Variants in TENM4 observed in about 807,000 individuals in gnomAD.
TENM4 encodes teneurin-4.
In TENM4, 82 loss-of-function variants were observed where a neutral mutation model predicts 243.3. The observed-to-expected ratio is 0.34, with a 90% CI of 0.28 to 0.40. The LOEUF is 0.40. TENM4 is among the 10% of genes least tolerant of loss of function. TENM4 has a pLI of 1.00. For synonymous variants in TENM4, 1,412 were observed against 1,456.3 expected, an observed-to-expected ratio of 0.97 and a Z score of 0.69; for missense variants, 3,138 against 3,673.3, an observed-to-expected ratio of 0.85 and a Z score of 3.77.
intron 1 of TENM4, among the ~76,000 whole-genome samples, chr11:79,409,979 C>T (rs1326162759): frequency 6.6e-6 from 1 of 152,082 alleles, no homozygotes; most frequent in East Asian, 1.9e-4. Flanking sequence ...TTCCTTGAGC[C>T]ACACTGGAAG....
intron 12 of TENM4, among the ~76,000 whole-genome samples, chr11:78,841,538 C>A (rs575776723): frequency 1.3e-5 from 2 of 152,212 alleles, no homozygotes; most frequent in Admixed American, 1.3e-4. Context: ...CTCTCCCCAT[C>A]CCATGGGAAG....
intron 2 of TENM4, among the ~76,000 whole-genome samples, chr11:79,236,159 G>C (rs904502139): frequency 6.6e-6 from 1 of 151,968 alleles, no homozygotes; most frequent in Non-Finnish European, 1.5e-5. Flanking sequence ...ACCTGATACC[G>C]TATGGAAAAA....
At chr11:79,007,528 G>C (rs1858521394) in intron 6 of TENM4, among the ~76,000 whole-genome samples, 1 of 152,120 alleles carries the variant, frequency 6.6e-6, no homozygotes, top group African/African-American at 2.4e-5. Context: ...TGCAGGCAAT[G>C]GACTCCTGAC....
intron 4 of TENM4, among the ~76,000 whole-genome samples, chr11:79,134,437 A>C (rs1265101934): frequency 6.6e-6 from 1 of 152,190 alleles, no homozygotes; most frequent in African/African-American, 2.4e-5. Context: ...CAATCTAAAA[A>C]TTCAACCCAA....
Position 78,670,328 on chromosome 11 carries a change from G to C in TENM4, c.6017C>G (p.Thr2006Ser). Residue 2006 changes from threonine (T) to serine (S), a missense_variant, in exon 32 of 34, where the codon ACT (threonine) becomes AGT (serine). Physicochemically the swap from Thr to Ser is moderately conservative, Grantham distance 58. This residue lies in a region of TENM4 where 2,467 missense variants were observed against 3,059.1 expected (regional missense o/e 0.81). Transcript: ENST00000278550. ...ATACTTGTATATCACCCTGCGGCCA[G>C]TGCCCAGGTAGAAGGTGTGAAGGAG... ...GHLLHTFYLG[T>S]GRRVIYKYGK... 6.2e-7 allele frequency: 1 copy of C among 1,613,950 alleles called. No individual in the cohort carries two copies.
intron 6 of TENM4, among the ~76,000 whole-genome samples, chr11:79,062,354 T>C (rs566055400): frequency 6.6e-6 from 1 of 151,614 alleles, no homozygotes; most frequent in Non-Finnish European, 1.5e-5. Flanking sequence ...GAATTCTACA[T>C]CTGGAAGGGC....
At chr11:78,849,982 T>C (rs986328542) in intron 12 of TENM4, among the ~76,000 whole-genome samples, 8 of 152,304 alleles carry the variant, frequency 5.3e-5, no homozygotes, top group African/African-American at 1.9e-4. Flanking sequence ...AGATTCTGGA[T>C]CTCCACCTGC....
intron 1 of TENM4, among the ~76,000 whole-genome samples, chr11:79,398,880 C>T (rs963084706): frequency 4.0e-5 from 6 of 151,584 alleles, no homozygotes; most frequent in Non-Finnish European, 8.8e-5. Context: ...TGCCTGCCCT[C>T]GAGGGGACAC....
chr11:78,873,507 A>T (rs759833754), intron 9 of TENM4, among the ~76,000 whole-genome samples: 4 of 152,210 alleles, frequency 2.6e-5, no homozygotes, highest in Non-Finnish European at 5.9e-5. Flanking sequence ...TTCTAATTAG[A>T]GGTAGAGACC....
chr11:79,241,750 G>A (rs1211583606), intron 2 of TENM4, among the ~76,000 whole-genome samples: 3 of 152,106 alleles, frequency 2.0e-5, no homozygotes, highest in Non-Finnish European at 4.4e-5. Flanking sequence ...ATGGTGGGGG[G>A]CGGAGGTTGG....
chr11:79,382,533 T>C (rs1202669230), intron 1 of TENM4, among the ~76,000 whole-genome samples: 1 of 152,134 alleles, frequency 6.6e-6, no homozygotes, highest in East Asian at 1.9e-4. Context: ...CCTCAGGAAC[T>C]CTACTGGCAG....
At chr11:78,942,813 CA>C (rs35375685) in intron 6 of TENM4, among the ~76,000 whole-genome samples, 53,133 of 111,658 alleles carry the variant, frequency 0.48, 10,387 homozygotes, top group Middle Eastern at 0.53. Context: ...TCATGACAGA[CA>C]AAAAAAAAAA....
At chr11:78,953,815 A>C (rs571499669) in intron 6 of TENM4, among the ~76,000 whole-genome samples, 1 of 152,136 alleles carries the variant, frequency 6.6e-6, no homozygotes, top group African/African-American at 2.4e-5. Flanking sequence ...CCTGGAACCA[A>C]TCCCCTGTGG....
intron 2 of TENM4, among the ~76,000 whole-genome samples, chr11:79,284,909 A>G (rs959578440): frequency 6.6e-6 from 1 of 152,208 alleles, no homozygotes; most frequent in African/African-American, 2.4e-5. Flanking sequence ...TTCTCCAAAG[A>G]AGACAAGAAA....
At position 79,252,396 on chromosome 11, in the gene TENM4, G is replaced by A. The variant is rs192992015; in HGVS notation, c.-264-36487C>T. Among the ~76,000 whole-genome samples, 35 of 152,176 alleles carry A rather than the reference G, an allele frequency of 2.3e-4. No individual in the cohort carries two copies. The East Asian group carries it at 5.8e-3, about 25-fold the overall frequency. ...ATTACAGGCGCTCACCACCACACCC[G>A]GCTAATTTTTCTTTTTTTGTTAAGT... On this transcript the variant is annotated intron_variant, in intron 2 of 33. Transcript: ENST00000278550.
intron 2 of TENM4, among the ~76,000 whole-genome samples, chr11:79,223,267 C>T (rs1181004307): frequency 6.6e-6 from 1 of 152,158 alleles, no homozygotes; most frequent in Non-Finnish European, 1.5e-5. Context: ...AAACTGTTCT[C>T]AAATAGCCAC....
Position 78,812,279 on chromosome 11 carries a change from G to C in TENM4, c.1821C>G (p.Tyr607Ter). The C allele has an allele frequency of 6.4e-7, 1 of 1,551,898 alleles. No individual in the cohort carries two copies. The highest frequency in any genetic ancestry group is 2.0e-5 in the Admixed American group (1 of 51,008). The change falls in exon 14 of 34, where the codon TAC becomes TAG. Residue 607 changes from tyrosine to a stop codon, truncating the protein, a stop_gained. Coordinates refer to ENST00000278550, the MANE Select transcript of TENM4 (RefSeq NM_001098816.3). LOFTEE classifies it high-confidence loss of function. ...CPVLCSGNGQ[Y>*]MKGRCLCHSG... ...TGTGGCACAAGCATCTGCCTTTCAT[G>C]TATTGGCCATTTCCGCTACAGAGCA...
chr11:79,265,538 TC>T (rs201899507), intron 2 of TENM4, among the ~76,000 whole-genome samples: 1 of 80,122 alleles, frequency 1.2e-5, no homozygotes, highest in Non-Finnish European at 2.9e-5. Flanking sequence ...AAAATTAATT[TC>T]CCCTGTTTCT....
intron 1 of TENM4, among the ~76,000 whole-genome samples, chr11:79,334,486 G>A (rs1023919975): frequency 1.4e-4 from 21 of 152,120 alleles, no homozygotes; most frequent in African/African-American, 3.9e-4. Flanking sequence ...TCTAACACAG[G>A]GTCCTGCAAA....
Sources: gnomAD v4.1 joint callset for allele counts (sites outside exome capture counted in the v4.1 genomes callset) on GRCh38, gnomAD v4.1.1 for gene constraint, gnomAD v4.1.1 regional missense constraint, MANE v1.5 for transcripts, NCBI Gene and HGNC (gene_info 2026-07-23, HGNC 2026-07-21) for gene names.